The following XKR9 variants were observed in gnomAD, a reference collection of about 807,000 sequenced individuals.
XKR9 encodes the protein XK related 9, also known as XK-related protein 9.
Under a neutral mutation model 32.0 loss-of-function variants are expected in XKR9, and 32 were observed. That is an observed-to-expected ratio of 1.00 (90% confidence interval 0.76 to 1.34). The LOEUF (loss-of-function observed/expected upper bound fraction) is 1.34, where lower values mean the gene tolerates loss of function less well. Among genes scored for constraint, XKR9 ranks in the 40% most tolerant of loss-of-function variants. XKR9 has a pLI of 0.00. For missense variants in XKR9, 546 were observed against 429.7 expected (o/e 1.27, Z -2.39); for synonymous variants, 168 against 143.4 (o/e 1.17, Z -1.22).
the XKR9 span, among the ~76,000 whole-genome samples, chr8:70,867,859 G>A: frequency 2.6e-5 from 4 of 152,202 alleles, no homozygotes; most frequent in Non-Finnish European, 5.9e-5. Context: ...CTAAAATCAA[G>A]AGCAGGTTAG....
chr8:70,977,465 T>C, the XKR9 span, among the ~76,000 whole-genome samples: 2 of 152,218 alleles, frequency 1.3e-5, no homozygotes, highest in African/African-American at 4.8e-5. Context: ...TCTCATGGTT[T>C]CAAAGAAAAT....
At chr8:70,977,618 G>A in the XKR9 span, among the ~76,000 whole-genome samples, 1 of 152,174 alleles carries the variant, frequency 6.6e-6, no homozygotes, top group Non-Finnish European at 1.5e-5. Flanking sequence ...TGTGATTTCT[G>A]TTATTTTACA....
chr8:70,957,713 T>C, the XKR9 span, among the ~76,000 whole-genome samples: 2 of 151,950 alleles, frequency 1.3e-5, no homozygotes, highest in Admixed American at 1.3e-4. Flanking sequence ...AAGGACATAA[T>C]CTTGTTCCTT....
At chr8:71,062,055 C>T in the XKR9 span, among the ~76,000 whole-genome samples, 1 of 152,190 alleles carries the variant, frequency 6.6e-6, no homozygotes. Context: ...CAGAATCCAA[C>T]CGGAACCAGT....
At chr8:70,740,892 C>T (rs1251312168), downstream of XKR9, among the ~76,000 whole-genome samples, 2 of 152,220 alleles carry the variant, frequency 1.3e-5, no homozygotes, top group Admixed American at 6.5e-5. Context: ...GGTTGCCTCC[C>T]AGTTAGGCTG....
chr8:70,965,857 T>C, the XKR9 span, among the ~76,000 whole-genome samples: 1 of 152,148 alleles, frequency 6.6e-6, no homozygotes, highest in Non-Finnish European at 1.5e-5. Context: ...TCAGTTCAGC[T>C]CTGATCTTGG....
the XKR9 span, among the ~76,000 whole-genome samples, chr8:70,842,553 C>G: frequency 6.7e-6 from 1 of 149,866 alleles, no homozygotes; most frequent in Admixed American, 6.6e-5. Flanking sequence ...TATTTACACA[C>G]ACACACACAC....
the XKR9 span, among the ~76,000 whole-genome samples, chr8:71,024,429 G>T: frequency 6.6e-6 from 1 of 152,132 alleles, no homozygotes; most frequent in African/African-American, 2.4e-5. Context: ...GGATGTTGGG[G>T]GATGTCATTG....
chr8:70,733,158 T>C (rs1484661260), intron 4 of XKR9, among the ~76,000 whole-genome samples: 1 of 152,154 alleles, frequency 6.6e-6, no homozygotes, highest in African/African-American at 2.4e-5. Context: ...TTTTCTGTTA[T>C]TTGCTGAGAA....
At chr8:71,010,966 C>T in the XKR9 span, among the ~76,000 whole-genome samples, 14 of 152,044 alleles carry the variant, frequency 9.2e-5, no homozygotes, top group Admixed American at 2.6e-4. Context: ...AGATAGATGG[C>T]GTGATTAAAA....
At chr8:70,677,136 T>G (rs559746002) in intron 2 of XKR9, among the ~76,000 whole-genome samples, 4 of 144,482 alleles carry the variant, frequency 2.8e-5, no homozygotes, top group Non-Finnish European at 6.3e-5. Flanking sequence ...TAAAAAAAAA[T>G]AAAAAAAATC....
the XKR9 span, among the ~76,000 whole-genome samples, chr8:70,899,769 C>T: frequency 3.9e-5 from 6 of 152,252 alleles, no homozygotes; most frequent in Non-Finnish European, 8.8e-5. Context: ...CATGTCAGCA[C>T]ATACAAATTT....
At chr8:70,683,559 C>T in intron 3 of XKR9, 1 of 452,392 alleles carries the variant, frequency 2.2e-6, no homozygotes, top group Non-Finnish European at 4.4e-6. Context: ...GCCTTCCCAG[C>T]TCATTGCAGC....
intron 2 of XKR9, among the ~76,000 whole-genome samples, chr8:70,745,834 C>A (rs1807051018): frequency 6.6e-6 from 1 of 152,170 alleles, no homozygotes; most frequent in Non-Finnish European, 1.5e-5. Flanking sequence ...TCTTGATGCT[C>A]ATTTCCAATT....
chr8:70,945,123 T>C, the XKR9 span, among the ~76,000 whole-genome samples: 3 of 152,354 alleles, frequency 2.0e-5, no homozygotes, highest in African/African-American at 7.2e-5. Context: ...ATTTACACTG[T>C]AATACTTTAT....
chr8:70,695,428 T>C (rs1805233191), intron 3 of XKR9, among the ~76,000 whole-genome samples: 1 of 149,468 alleles, frequency 6.7e-6, no homozygotes, highest in Admixed American at 6.7e-5. Context: ...ACATGCAGTG[T>C]TTGGTTTTTT....
At chr8:70,786,701 G>A (rs1807693155) in intron 2 of XKR9, among the ~76,000 whole-genome samples, 1 of 152,004 alleles carries the variant, frequency 6.6e-6, no homozygotes, top group African/African-American at 2.4e-5. Flanking sequence ...GTTGGGTCTT[G>A]TTTTTTCAGT....
At chr8:70,846,030 A>C in the XKR9 span, among the ~76,000 whole-genome samples, 356 of 152,292 alleles carry the variant, frequency 2.3e-3, no homozygotes, top group African/African-American at 8.3e-3. Context: ...AGACAAAGAG[A>C]TAATTCTAAA....
intron 2 of XKR9, among the ~76,000 whole-genome samples, chr8:70,783,616 T>C (rs1807645692): frequency 6.6e-6 from 1 of 152,204 alleles, no homozygotes; most frequent in South Asian, 2.1e-4. Context: ...TAACCAATTA[T>C]TGGATATATG....
Sources: allele counts gnomAD v4.1 joint callset (sites outside exome capture counted in the v4.1 genomes callset), GRCh38; gene constraint gnomAD v4.1.1; transcripts MANE v1.5; gene names NCBI Gene and HGNC (gene_info 2026-07-23, HGNC 2026-07-21).